UNC13C: variants seen among roughly 807,000 people sequenced by gnomAD.
UNC13C encodes unc-13 homolog C, also known as protein unc-13 homolog C.
UNC13C carries 174 observed loss-of-function variants against 245.4 expected under a neutral mutation model. That is an observed-to-expected ratio of 0.71 (90% CI 0.63 to 0.80). The LOEUF (loss-of-function observed/expected upper bound fraction) is 0.80. Among genes scored for constraint, UNC13C ranks in the 30% least tolerant of loss-of-function variants. The pLI, the probability that UNC13C is intolerant of heterozygous loss-of-function variation, is 0.00. For synonymous variants in UNC13C, 992 were observed against 895.1 expected, an observed-to-expected ratio of 1.11 and a Z score of -1.93; for missense variants, 2,829 against 2,602.9, an observed-to-expected ratio of 1.09 and a Z score of -1.89.
intron 4 of UNC13C, among the ~76,000 whole-genome samples, chr15:54,164,110 A>G (rs895423211): frequency 6.6e-6 from 1 of 152,222 alleles, no homozygotes; most frequent in Admixed American, 6.5e-5. Flanking sequence ...GTGTAAGTAT[A>G]TTAAAACAGC....
intron 4 of UNC13C, among the ~76,000 whole-genome samples, chr15:54,146,738 C>T (rs764946402): frequency 6.6e-6 from 1 of 152,152 alleles, no homozygotes; most frequent in Non-Finnish European, 1.5e-5. Flanking sequence ...AAGAGTCATA[C>T]AGAAAGCACA....
chr15:54,162,647 A>G (rs1026372478), intron 4 of UNC13C, among the ~76,000 whole-genome samples: 5 of 152,206 alleles, frequency 3.3e-5, no homozygotes, highest in Non-Finnish European at 7.3e-5. Flanking sequence ...TTCCTTGGCT[A>G]TTAGTGAGAA....
intron 17 of UNC13C, among the ~76,000 whole-genome samples, chr15:54,366,897 T>TTACA (rs1298334619): frequency 6.6e-6 from 1 of 152,136 alleles, no homozygotes; most frequent in African/African-American, 2.4e-5. Flanking sequence ...AACATCCCTG[T>TTACA]TACAGCACAG....
chr15:54,265,856 T>G (rs1477250908), intron 10 of UNC13C, among the ~76,000 whole-genome samples: 1 of 151,934 alleles, frequency 6.6e-6, no homozygotes, highest in East Asian at 1.9e-4. Context: ...AAGATTTATA[T>G]CTAAAGCCAG....
chr15:53,929,566 T>G, the UNC13C span, among the ~76,000 whole-genome samples: 1 of 150,892 alleles, frequency 6.6e-6, no homozygotes, highest in African/African-American at 2.4e-5. Flanking sequence ...GACCTCAATA[T>G]TTTTAGGTGC....
intron 13 of UNC13C, among the ~76,000 whole-genome samples, chr15:54,309,982 A>G (rs2037825868): frequency 6.6e-6 from 1 of 151,824 alleles, no homozygotes; most frequent in Non-Finnish European, 1.5e-5. Context: ...CACTAGCACC[A>G]TTTACTTGCA....
the UNC13C span, among the ~76,000 whole-genome samples, chr15:53,954,216 C>T: frequency 6.6e-6 from 1 of 152,294 alleles, no homozygotes; most frequent in Non-Finnish European, 1.5e-5. Flanking sequence ...TGTTTTCCTG[C>T]TGCATTCTTA....
intron 19 of UNC13C, among the ~76,000 whole-genome samples, chr15:54,471,921 A>G (rs905272108): frequency 1.3e-5 from 2 of 151,736 alleles, no homozygotes; most frequent in African/African-American, 2.4e-5. Flanking sequence ...TAGCTACTCT[A>G]TGCCTTTTGA....
chr15:54,202,214 G>C (rs553376840), intron 4 of UNC13C, among the ~76,000 whole-genome samples: 2 of 152,064 alleles, frequency 1.3e-5, no homozygotes, highest in East Asian at 3.9e-4. Flanking sequence ...TAGATGGATA[G>C]AATCAATATT....
chr15:54,317,280 G>A (rs536213681), intron 13 of UNC13C, among the ~76,000 whole-genome samples: 17 of 151,998 alleles, frequency 1.1e-4, no homozygotes, highest in African/African-American at 4.1e-4. Context: ...GTGTGGTGAA[G>A]ATTGTATTAA....
the UNC13C span, among the ~76,000 whole-genome samples, chr15:53,855,951 A>G: frequency 6.6e-6 from 1 of 152,188 alleles, no homozygotes; most frequent in East Asian, 1.9e-4. Flanking sequence ...GCTATTTGTT[A>G]CTGCCTCAAT....
At chr15:54,046,831 G>A (rs1897058725) in intron 2 of UNC13C, among the ~76,000 whole-genome samples, 1 of 151,610 alleles carries the variant, frequency 6.6e-6, no homozygotes, top group African/African-American at 2.4e-5. Flanking sequence ...CCCAGTATCT[G>A]GGTCAAGAGC....
At chr15:54,358,285 T>C (rs2039144262) in intron 17 of UNC13C, among the ~76,000 whole-genome samples, 1 of 152,098 alleles carries the variant, frequency 6.6e-6, no homozygotes, top group South Asian at 2.1e-4. Flanking sequence ...TTGATTAAAA[T>C]TGCTTTGGAT....
In UNC13C at chr15:54,590,995, T is replaced by C. The variant is rs57218965; in HGVS notation, c.6106+23048T>C. On this transcript the variant is annotated intron_variant, in intron 30 of 32. Coordinates refer to ENST00000260323, the MANE Select transcript of UNC13C (RefSeq NM_001080534.3). ...TATACCAATTTTGTGAGGGTTTTAA[T>C]CATAAAGGGATGCTGGATTTTGTTG... is the stretch of plus-strand genomic sequence containing the variant. Among the ~76,000 whole-genome samples the C allele has an allele frequency of 5.6e-4, 85 of 152,306 alleles. No individual in the cohort carries two copies. The East Asian group carries it at 0.016, about 29-fold the overall frequency.
intron 1 of UNC13C, among the ~76,000 whole-genome samples, chr15:54,005,060 A>T (rs1895075478): frequency 2.0e-5 from 3 of 151,952 alleles, no homozygotes; most frequent in Non-Finnish European, 4.4e-5. Context: ...TGTTTCTGTG[A>T]CTCAGGCTTC....
At chr15:54,339,930 C>T (rs1596249312) in intron 17 of UNC13C, among the ~76,000 whole-genome samples, 1 of 152,248 alleles carries the variant, frequency 6.6e-6, no homozygotes, top group East Asian at 1.9e-4. Context: ...GTTCTCTTTT[C>T]ACTGCATCCA....
At chr15:54,465,593 C>A (rs1216300511) in intron 19 of UNC13C, among the ~76,000 whole-genome samples, 1 of 151,918 alleles carries the variant, frequency 6.6e-6, no homozygotes, top group Non-Finnish European at 1.5e-5. Context: ...ATGACTATGG[C>A]TGAGGCTAGA....
intron 19 of UNC13C, among the ~76,000 whole-genome samples, chr15:54,425,302 G>A (rs1208453376): frequency 6.6e-6 from 1 of 151,722 alleles, no homozygotes; most frequent in Non-Finnish European, 1.5e-5. Flanking sequence ...AAAGCAGTAA[G>A]TAAAAGGATA....
intron 17 of UNC13C, among the ~76,000 whole-genome samples, chr15:54,362,514 T>C (rs1470020390): frequency 1.3e-5 from 2 of 152,126 alleles, no homozygotes; most frequent in Non-Finnish European, 2.9e-5. Flanking sequence ...TTTGTGGGAG[T>C]AGTGATACAA....
Sources: gnomAD v4.1 joint callset for allele counts (sites outside exome capture counted in the v4.1 genomes callset) on GRCh38, gnomAD v4.1.1 for gene constraint, MANE v1.5 for transcripts, NCBI Gene and HGNC (gene_info 2026-07-23, HGNC 2026-07-21) for gene names.